The following TEK variants were observed in gnomAD, a reference collection of about 807,000 sequenced individuals.
TEK encodes the protein TEK receptor tyrosine kinase, also known as angiopoietin-1 receptor.
TEK carries 43 observed loss-of-function variants against 131.8 expected under a neutral mutation model. The ratio of observed to expected loss-of-function variants is 0.33; its 90% confidence interval spans 0.26 to 0.42. TEK has a LOEUF of 0.42. TEK is among the 10% of genes least tolerant of loss of function. TEK has a pLI of 1.00. For missense variants in TEK, 1,162 were observed against 1,384.4 expected, an observed-to-expected ratio of 0.84 and a Z score of 2.55; for synonymous variants, 580 against 491.6, an observed-to-expected ratio of 1.18 and a Z score of -2.38.
In TEK at chr9:27,197,451, TCAG is replaced by T. The variant is rs1301571572; in HGVS notation, c.1765_1767del (p.Gln589del). On this transcript the variant is annotated inframe_deletion, in exon 12 of 23. Coordinates refer to ENST00000380036, the MANE Select transcript of TEK (RefSeq NM_000459.5). Reference sequence around the variant, plus strand: ...AGAGAAGGTCTGTGCAAAAAAGTGATCAGCAGAATATTAAAGTTCCAGGCAACT... The same window carrying T: ...AGAGAAGGTCTGTGCAAAAAAGTGATCAGAATATTAAAGTTCCAGGCAACT... 6.2e-7 allele frequency: 1 copy of T among 1,614,074 alleles called. No homozygotes were observed. Among genetic ancestry groups the T allele is most frequent in the Non-Finnish European group, 8.5e-7 (1 of 1,179,992 alleles).
intron 1 of TEK, among the ~76,000 whole-genome samples, chr9:27,142,757 G>T (rs1483830477): frequency 3.3e-5 from 5 of 152,194 alleles, no homozygotes; most frequent in Non-Finnish European, 5.9e-5. Flanking sequence ...CACTGTTCCG[G>T]ATGTTTTACA....
At chr9:27,225,864 C>G (rs1826302472) in intron 21 of TEK, among the ~76,000 whole-genome samples, 1 of 152,164 alleles carries the variant, frequency 6.6e-6, no homozygotes, top group African/African-American at 2.4e-5. Flanking sequence ...TATCCAGAAT[C>G]TACAAAGCAC....
At chr9:27,123,052 CAAAAAAAAAA>C (rs10700803) in intron 1 of TEK, among the ~76,000 whole-genome samples, 2 of 34,712 alleles carry the variant, frequency 5.8e-5, no homozygotes, top group East Asian at 1.3e-3. Context: ...GACTCTGTCT[CAAAAAAAAAA>C]AAAAAAAAAA....
chr9:27,169,356 C>G, intron 3 of TEK, 121 bp from the exon 4 acceptor site: 1 of 1,284,480 alleles, frequency 7.8e-7, no homozygotes, highest in Non-Finnish European at 1.1e-6. Flanking sequence ...CTCCCACATC[C>G]AATATGTGAG....
chr9:27,126,009 G>C (rs1199478363), intron 1 of TEK, among the ~76,000 whole-genome samples: 2 of 152,210 alleles, frequency 1.3e-5, no homozygotes, highest in Non-Finnish European at 2.9e-5. Context: ...TGGGGTCACA[G>C]CTAGACATGC....
chr9:27,218,141 G>A (rs527284318), intron 19 of TEK, among the ~76,000 whole-genome samples: 103 of 150,830 alleles, frequency 6.8e-4, no homozygotes, highest in African/African-American at 2.1e-3. Flanking sequence ...GGCGGGGGTC[G>A]TCTCTGCTTG....
chr9:27,179,894 T>G (rs1293040103), intron 6 of TEK, among the ~76,000 whole-genome samples: 1 of 152,198 alleles, frequency 6.6e-6, no homozygotes, highest in Non-Finnish European at 1.5e-5. Context: ...GGCTAAAAGC[T>G]GAAAATTGGG....
chr9:27,120,144 C>G (rs1821726834), intron 1 of TEK, among the ~76,000 whole-genome samples: 1 of 152,188 alleles, frequency 6.6e-6, no homozygotes, highest in African/African-American at 2.4e-5. Context: ...TGCTTGTGGT[C>G]AGCAGCTTTT....
intron 1 of TEK, among the ~76,000 whole-genome samples, chr9:27,117,875 T>C (rs919846853): frequency 6.6e-6 from 1 of 152,182 alleles, no homozygotes; most frequent in Non-Finnish European, 1.5e-5. Context: ...AAGGGTGATA[T>C]CATGCTTCCT....
intron 2 of TEK, among the ~76,000 whole-genome samples, chr9:27,165,329 G>GA (rs1043313728): frequency 1.4e-4 from 21 of 152,224 alleles, no homozygotes; most frequent in African/African-American, 5.1e-4. Flanking sequence ...GAAATGGTCA[G>GA]AAAAAAATTC....
At chr9:27,141,586 T>G (rs983703633) in intron 1 of TEK, among the ~76,000 whole-genome samples, 1 of 152,250 alleles carries the variant, frequency 6.6e-6, no homozygotes, top group Non-Finnish European at 1.5e-5. Context: ...TTTTTCAGTC[T>G]AATTCCATTG....
chr9:27,146,540 G>A (rs1822924118), intron 1 of TEK, among the ~76,000 whole-genome samples: 1 of 152,092 alleles, frequency 6.6e-6, no homozygotes, highest in African/African-American at 2.4e-5. Context: ...GGTAGAAGAT[G>A]ATTTTAGCTT....
chr9:27,128,681 G>A (rs1250518959), intron 1 of TEK, among the ~76,000 whole-genome samples: 1 of 152,104 alleles, frequency 6.6e-6, no homozygotes, highest in Non-Finnish European at 1.5e-5. Flanking sequence ...TCTCCTTGAA[G>A]AGGTCCTTCA....
At chr9:27,149,746 T>C (rs945432700) in intron 1 of TEK, among the ~76,000 whole-genome samples, 1 of 152,186 alleles carries the variant, frequency 6.6e-6, no homozygotes, top group Non-Finnish European at 1.5e-5. Flanking sequence ...TCTTGGAAGA[T>C]AGATATGCTT....
chr9:27,119,987 C>G (rs1178419905), intron 1 of TEK, among the ~76,000 whole-genome samples: 1 of 152,160 alleles, frequency 6.6e-6, no homozygotes, highest in African/African-American at 2.4e-5. Context: ...TTCCACCTTC[C>G]TTTAGTCTCC....
intron 6 of TEK, among the ~76,000 whole-genome samples, chr9:27,177,856 G>T (rs185615677): frequency 3.3e-4 from 50 of 152,202 alleles, no homozygotes; most frequent in African/African-American, 1.2e-3. Context: ...ATATATTCTG[G>T]ATATTAACCT....
chr9:27,125,276 A>C (rs1346399249), intron 1 of TEK, among the ~76,000 whole-genome samples: 3 of 152,242 alleles, frequency 2.0e-5, no homozygotes, highest in Admixed American at 1.3e-4. Context: ...ACTCTAGAGT[A>C]TGGAAGCCCA....
chr9:27,149,533 TC>T (rs1823048462), intron 1 of TEK, among the ~76,000 whole-genome samples: 1 of 152,210 alleles, frequency 6.6e-6, no homozygotes, highest in Admixed American at 6.5e-5. Context: ...TTTGTCAATC[TC>T]CTCTTAGCAA....
In TEK at chr9:27,174,778, T is replaced by A. The variant is rs1176357228; in HGVS notation, c.901+1416T>A. The stretch of plus-strand genomic sequence containing the variant: ...GAGAAATCCCATCTGGCCTCTGAAG[T>A]GTGTATGTTAAGGTAAAAGGTGACT... On this transcript the variant is annotated intron_variant, in intron 6 of 22. Coordinates refer to ENST00000380036, the MANE Select transcript of TEK (RefSeq NM_000459.5). 2.0e-5 allele frequency among the ~76,000 whole-genome samples: 3 copies of A among 152,102 alleles called. No individual in the cohort carries two copies. In the East Asian group the frequency reaches 5.8e-4, roughly 29 times the overall value.
Sources: allele counts gnomAD v4.1 joint callset (sites outside exome capture counted in the v4.1 genomes callset), GRCh38; gene constraint gnomAD v4.1.1; transcripts MANE v1.5; gene names NCBI Gene and HGNC (gene_info 2026-07-23, HGNC 2026-07-21).